LGSN: variants seen among roughly 807,000 people sequenced by gnomAD.
The protein encoded by LGSN is lengsin, lens protein with glutamine synthetase domain.
LGSN carries 21 observed loss-of-function variants against 19.5 expected under a neutral mutation model. The observed-to-expected ratio is 1.07, with a 90% CI of 0.76 to 1.55. LGSN has a LOEUF of 1.55. Among genes scored for constraint, LGSN ranks in the 40% most tolerant of loss-of-function variants. LGSN has a pLI of 0.00. For missense variants in LGSN, 673 were observed against 608.5 expected, an observed-to-expected ratio of 1.11 and a Z score of -1.12; for synonymous variants, 257 against 215.6, an observed-to-expected ratio of 1.19 and a Z score of -1.68.
the LGSN span, among the ~76,000 whole-genome samples, chr6:63,330,833 T>C: frequency 6.6e-6 from 1 of 152,218 alleles, no homozygotes; most frequent in Non-Finnish European, 1.5e-5. Context: ...GGGCTGCAGC[T>C]AAAGCTGCAT....
chr6:63,320,074 T>C (rs1338139383), upstream of LGSN: 1 of 695,018 alleles, frequency 1.4e-6, no homozygotes, highest in Non-Finnish European at 2.5e-6. Flanking sequence ...CAGAGGGGTC[T>C]GGCAGGTAAT....
chr6:63,409,750 C>T, the LGSN span, among the ~76,000 whole-genome samples: 3 of 152,174 alleles, frequency 2.0e-5, no homozygotes, highest in South Asian at 2.1e-4. Context: ...TTAGTTATTA[C>T]CTCAGCCGGG....
At chr6:63,389,349 T>C in the LGSN span, among the ~76,000 whole-genome samples, 5 of 152,256 alleles carry the variant, frequency 3.3e-5, no homozygotes, top group African/African-American at 1.2e-4. Flanking sequence ...TTGAGCCTGA[T>C]TCATTTTGTA....
chr6:63,300,664 CAAAAAATAAAAAT>C (rs937586150), intron 1 of LGSN, among the ~76,000 whole-genome samples: 15 of 151,382 alleles, frequency 9.9e-5, no homozygotes, highest in African/African-American at 3.6e-4. Flanking sequence ...AGATCTATCT[CAAAAAATAAAAAT>C]AAAAAATAAG....
chr6:63,326,857 G>A, the LGSN span, among the ~76,000 whole-genome samples: 1 of 152,186 alleles, frequency 6.6e-6, no homozygotes, highest in African/African-American at 2.4e-5. Flanking sequence ...CCTGCAAGCT[G>A]AGGGAGCGGG....
At chr6:63,560,975 C>T in the LGSN span, among the ~76,000 whole-genome samples, 15 of 152,152 alleles carry the variant, frequency 9.9e-5, no homozygotes, top group African/African-American at 1.4e-4. Context: ...TTTTACTAAA[C>T]TCATGGAAGG....
At chr6:63,456,873 T>C in the LGSN span, among the ~76,000 whole-genome samples, 1 of 152,226 alleles carries the variant, frequency 6.6e-6, no homozygotes, top group African/African-American at 2.4e-5. Context: ...CAGGCTTCTC[T>C]GAATGAGTTA....
At chr6:63,499,708 G>A in the LGSN span, among the ~76,000 whole-genome samples, 15 of 151,932 alleles carry the variant, frequency 9.9e-5, no homozygotes, top group South Asian at 2.1e-4. Context: ...GTTTTATGTC[G>A]TTAAAAGCCT....
chr6:63,416,724 C>T, the LGSN span, among the ~76,000 whole-genome samples: 2 of 151,092 alleles, frequency 1.3e-5, no homozygotes, highest in South Asian at 2.1e-4. Flanking sequence ...TCCACCACCA[C>T]GCCCGGCTAA....
the LGSN span, among the ~76,000 whole-genome samples, chr6:63,477,687 C>CTTTTTTTTTTTTTTTTTTTTTTTTTTTT: frequency 2.1e-4 from 13 of 61,050 alleles, no homozygotes; most frequent in South Asian, 8.5e-4. Context: ...TTCTTTTTTT[C>CTTTTTTTTTTTTTTTTTTTTTTTTTTTT]TTTTTTTTTT....
the LGSN span, among the ~76,000 whole-genome samples, chr6:63,511,007 A>G: frequency 1.3e-5 from 2 of 151,888 alleles, no homozygotes; most frequent in South Asian, 4.2e-4. Flanking sequence ...GCAGCTAGAC[A>G]GATAAGCTAA....
At chr6:63,461,679 T>C in the LGSN span, among the ~76,000 whole-genome samples, 1 of 152,202 alleles carries the variant, frequency 6.6e-6, no homozygotes, top group African/African-American at 2.4e-5. Flanking sequence ...CTACTCTACA[T>C]TGGACAGTTG....
At chr6:63,384,966 C>G in the LGSN span, among the ~76,000 whole-genome samples, 1 of 152,138 alleles carries the variant, frequency 6.6e-6, no homozygotes, top group Non-Finnish European at 1.5e-5. Flanking sequence ...TATGTGGGGA[C>G]ACAGAGAATG....
At chr6:63,325,103 CAAAAAAAAAAAA>C in the LGSN span, among the ~76,000 whole-genome samples, 1 of 65,260 alleles carries the variant, frequency 1.5e-5, no homozygotes, top group African/African-American at 5.3e-5. Flanking sequence ...AACTCTGTCT[CAAAAAAAAAAAA>C]AAAAAAAAGG....
At chr6:63,509,913 G>A in the LGSN span, among the ~76,000 whole-genome samples, 1 of 152,204 alleles carries the variant, frequency 6.6e-6, no homozygotes, top group Non-Finnish European at 1.5e-5. Flanking sequence ...TTGTATGGAG[G>A]TAGAACAGAA....
At chr6:63,435,800 T>C in the LGSN span, among the ~76,000 whole-genome samples, 3 of 151,634 alleles carry the variant, frequency 2.0e-5, no homozygotes, top group East Asian at 1.9e-4. Context: ...ATAAAAAATA[T>C]TAGAATGCAT....
chr6:63,332,618 T>C, the LGSN span, among the ~76,000 whole-genome samples: 2 of 152,202 alleles, frequency 1.3e-5, no homozygotes, highest in Non-Finnish European at 2.9e-5. Context: ...CTGACACCCA[T>C]GTCTTTAGTC....
chr6:63,495,909 C>A, the LGSN span, among the ~76,000 whole-genome samples: 1 of 151,862 alleles, frequency 6.6e-6, no homozygotes, highest in Non-Finnish European at 1.5e-5. Context: ...GTCTTAGACT[C>A]CTCTTGTATT....
At chr6:63,412,715 G>GA in the LGSN span, among the ~76,000 whole-genome samples, 7 of 68,188 alleles carry the variant, frequency 1.0e-4, no homozygotes, top group South Asian at 5.0e-4. Flanking sequence ...AAGAGGGAAG[G>GA]AAGGAAAGAA....
Sources: allele counts gnomAD v4.1 joint callset (sites outside exome capture counted in the v4.1 genomes callset), GRCh38; gene constraint gnomAD v4.1.1; transcripts MANE v1.5; gene names NCBI Gene and HGNC (gene_info 2026-07-23, HGNC 2026-07-21).